Variants in CSMD1 observed in about 807,000 individuals in gnomAD.
CSMD1 encodes CUB and Sushi multiple domains 1.
A neutral mutation model predicts 417.5 loss-of-function variants in CSMD1; 213 were observed. That is an observed-to-expected ratio of 0.51 (90% CI 0.46 to 0.57). The LOEUF (loss-of-function observed/expected upper bound fraction) is 0.57, where lower values mean the gene tolerates loss of function less well. CSMD1 is among the 20% of genes least tolerant of loss of function. CSMD1 has a pLI of 0.00. For missense variants in CSMD1, 6,923 were observed against 4,529.7 expected, an observed-to-expected ratio of 1.53 and a Z score of -15.17; for synonymous variants, 2,862 against 1,736.8, an observed-to-expected ratio of 1.65 and a Z score of -16.11.
rs565431247 is a variant in CSMD1, at chr8:3,345,319, C to T, written c.3475-1869G>A. On this transcript the variant is annotated intron_variant, in intron 22 of 69. Transcript: ENST00000635120. ...AAAATGAACAGCTCAAAAGCTGAATCGTAAGATTCTTCAGAACAACAATTC... is the reference window on the plus strand; with the variant it reads ...AAAATGAACAGCTCAAAAGCTGAATTGTAAGATTCTTCAGAACAACAATTC... Among the ~76,000 whole-genome samples, 5 of 152,232 alleles carry T rather than the reference C, an allele frequency of 3.3e-5. No individual in the cohort carries two copies. The South Asian group carries it at 6.2e-4, about 19-fold the overall frequency.
chr8:2,973,326 T>C (rs759635922), intron 56 of CSMD1, 27 bp from the exon 57 acceptor site: 2 of 1,604,842 alleles, frequency 1.2e-6, no homozygotes, highest in Admixed American at 3.4e-5. Context: ...CATACGGCAA[T>C]CCACAATTGT....
chr8:3,705,506 G>A (rs1801118613), intron 7 of CSMD1, among the ~76,000 whole-genome samples: 1 of 152,168 alleles, frequency 6.6e-6, no homozygotes, highest in Non-Finnish European at 1.5e-5. Flanking sequence ...GGCCACTGCT[G>A]TCACTTCTTT....
intron 1 of CSMD1, among the ~76,000 whole-genome samples, chr8:4,668,415 C>CATTATTATT (rs35735246): frequency 0.02 from 2,599 of 129,964 alleles, 42 homozygotes; most frequent in South Asian, 0.035. Context: ...TGATGTTTTC[C>CATTATTATT]ATTATTATTA....
chr8:4,576,809 T>G (rs866000086), intron 2 of CSMD1, among the ~76,000 whole-genome samples: 82 of 147,382 alleles, frequency 5.6e-4, no homozygotes, highest in Middle Eastern at 3.6e-3. Flanking sequence ...ATAATTTAAA[T>G]ATTAATACTT....
intron 6 of CSMD1, among the ~76,000 whole-genome samples, chr8:3,725,585 G>A (rs1802436443): frequency 6.6e-6 from 1 of 152,086 alleles, no homozygotes; most frequent in South Asian, 2.1e-4. Flanking sequence ...GAGGAGAGAG[G>A]AAGCCTGATG....
intron 3 of CSMD1, among the ~76,000 whole-genome samples, chr8:4,173,512 G>T (rs1351047166): frequency 6.6e-6 from 1 of 152,068 alleles, no homozygotes; most frequent in South Asian, 2.1e-4. Context: ...CGGTAGATGG[G>T]GATAAACACC....
chr8:3,368,400 A>G (rs532077005), intron 19 of CSMD1, among the ~76,000 whole-genome samples: 65 of 152,140 alleles, frequency 4.3e-4, no homozygotes, highest in Non-Finnish European at 7.1e-4. Context: ...ACAGTGGCGC[A>G]ATCTCAGCTC....
At chr8:4,904,110 C>A (rs1187454017) in intron 1 of CSMD1, among the ~76,000 whole-genome samples, 1 of 152,042 alleles carries the variant, frequency 6.6e-6, no homozygotes, top group Non-Finnish European at 1.5e-5. Context: ...GCTCGAATTC[C>A]AATGTATGTT....
intron 1 of CSMD1, among the ~76,000 whole-genome samples, chr8:4,838,797 G>A (rs1333230959): frequency 6.6e-6 from 1 of 152,192 alleles, no homozygotes. Flanking sequence ...GGAACCGACA[G>A]ACACTGGCTC....
Position 3,564,186 on chromosome 8 carries a change from T to C in CSMD1, c.1344+10759A>G, listed in dbSNP as rs189242699. Among the ~76,000 whole-genome samples, 202 of 152,326 alleles carry C rather than the reference T, an allele frequency of 1.3e-3. 3 individuals are homozygous for C. The highest frequency in any genetic ancestry group is 4.5e-3 in the African/African-American group (187 of 41,570). Reference sequence around the variant, plus strand: ...TTTCTTCTAGCTATTTTGAAATATATAATAAATTATCATTAACTATAATTT... The same window carrying C: ...TTTCTTCTAGCTATTTTGAAATATACAATAAATTATCATTAACTATAATTT... On this transcript the variant is annotated intron_variant, in intron 10 of 69. Transcript: ENST00000635120.
chr8:4,888,899 A>G (rs1803926496), intron 1 of CSMD1, among the ~76,000 whole-genome samples: 1 of 152,144 alleles, frequency 6.6e-6, no homozygotes, highest in Non-Finnish European at 1.5e-5. Context: ...CCATACATTC[A>G]CACAAATTAA....
At chr8:3,019,855 AG>A (rs1364241289) in intron 51 of CSMD1, among the ~76,000 whole-genome samples, 1 of 152,248 alleles carries the variant, frequency 6.6e-6, no homozygotes, top group Non-Finnish European at 1.5e-5. Context: ...GGAACTCACA[AG>A]GTTATCCAGC....
chr8:3,278,223 G>T (rs368984530), intron 26 of CSMD1: 76 of 152,250 alleles, frequency 5.0e-4, no homozygotes, highest in Middle Eastern at 3.4e-3. Flanking sequence ...TGTTTAAAAA[G>T]CTCCAATGTA....
At chr8:4,834,306 TG>T (rs1177735395) in intron 1 of CSMD1, among the ~76,000 whole-genome samples, 1 of 152,086 alleles carries the variant, frequency 6.6e-6, no homozygotes, top group Non-Finnish European at 1.5e-5. Context: ...CGTTACATAC[TG>T]GGAACAGAAA....
chr8:3,379,317 A>G (rs957441354), intron 18 of CSMD1, among the ~76,000 whole-genome samples: 39 of 152,250 alleles, frequency 2.6e-4, no homozygotes, highest in Non-Finnish European at 1.0e-4. Flanking sequence ...AAATGGCAAT[A>G]CTGTCCAAAG....
chr8:4,067,848 G>C (rs985208372), intron 3 of CSMD1, among the ~76,000 whole-genome samples: 1 of 152,148 alleles, frequency 6.6e-6, no homozygotes. Flanking sequence ...GGAGGCCGAG[G>C]TGGGCGGATC....
intron 5 of CSMD1, among the ~76,000 whole-genome samples, chr8:3,887,039 C>T (rs1374181925): frequency 6.6e-6 from 1 of 152,146 alleles, no homozygotes; most frequent in Non-Finnish European, 1.5e-5. Flanking sequence ...TCAAACTCTG[C>T]CTCACACATT....
chr8:4,709,182 G>A (rs933420231), intron 1 of CSMD1, among the ~76,000 whole-genome samples: 1 of 152,196 alleles, frequency 6.6e-6, no homozygotes, highest in Non-Finnish European at 1.5e-5. Context: ...GCATAGCTCA[G>A]CTCACAATCG....
At chr8:4,653,926 A>C (rs139392133) in intron 1 of CSMD1, among the ~76,000 whole-genome samples, 1 of 152,012 alleles carries the variant, frequency 6.6e-6, no homozygotes, top group Non-Finnish European at 1.5e-5. Context: ...TTTTTAACCA[A>C]AGTATAATAT....
Sources: allele counts gnomAD v4.1 joint callset (sites outside exome capture counted in the v4.1 genomes callset), GRCh38; gene constraint gnomAD v4.1.1; transcripts MANE v1.5; gene names NCBI Gene and HGNC (gene_info 2026-07-23, HGNC 2026-07-21).